The following ZNF385D variants were observed in gnomAD, a reference collection of about 807,000 sequenced individuals.
ZNF385D encodes zinc finger protein 659.
Under a neutral mutation model 35.8 loss-of-function variants are expected in ZNF385D, and 15 were observed. That is an observed-to-expected ratio of 0.42 (90% confidence interval 0.28 to 0.64). The LOEUF (loss-of-function observed/expected upper bound fraction) is 0.64. ZNF385D is among the 30% of genes least tolerant of loss of function. ZNF385D has a pLI of 0.23. For synonymous variants in ZNF385D, 212 were observed against 186.8 expected, an observed-to-expected ratio of 1.13 and a Z score of -1.10; for missense variants, 474 against 494.6, an observed-to-expected ratio of 0.96 and a Z score of 0.39.
intron 5 of ZNF385D, among the ~76,000 whole-genome samples, chr3:21,428,933 C>CTTTTTTTTT (rs56827844): frequency 4.5e-5 from 5 of 112,046 alleles, no homozygotes; most frequent in Non-Finnish European, 9.1e-5. Context: ...CCAAGAAATC[C>CTTTTTTTTT]TTTTTTTTTT....
intron 4 of ZNF385D, among the ~76,000 whole-genome samples, chr3:21,437,699 T>TAAAAAAAAAAAA (rs1559447253): frequency 1.7e-3 from 2 of 1,188 alleles, no homozygotes; most frequent in African/African-American, 2.6e-3. Flanking sequence ...CAAATGCTTA[T>TAAAAAAAAAAAA]ACAAAAAAAA....
chr3:22,085,953 C>G, intron 3 of ZNF385D, among the ~76,000 whole-genome samples: 1 of 151,986 alleles, frequency 6.6e-6, no homozygotes, highest in East Asian at 1.9e-4. Context: ...ATGATAGAAA[C>G]CACGATTATC....
At chr3:21,459,737 A>G (rs550577237) in intron 4 of ZNF385D, among the ~76,000 whole-genome samples, 1 of 152,276 alleles carries the variant, frequency 6.6e-6, no homozygotes. Context: ...ATCATAAACT[A>G]TTATGTTGCT....
In ZNF385D at chr3:21,465,041, T is replaced by C. The variant is rs569779663; in HGVS notation, c.440-27838A>G. Reference sequence around the variant, plus strand: ...ATAAATTTCTTTCTCATTAAATACTTTGTCATTTTTACAGAAAGATTTCAT... The same window carrying C: ...ATAAATTTCTTTCTCATTAAATACTCTGTCATTTTTACAGAAAGATTTCAT... On this transcript the variant is annotated intron_variant, in intron 4 of 7. Coordinates refer to ENST00000281523, the MANE Select transcript of ZNF385D (RefSeq NM_024697.3). This position sits in a 1 kb window ranked among gnomAD's most constrained non-coding sequence, Gnocchi z 4.2. Among the ~76,000 whole-genome samples the C allele has an allele frequency of 6.6e-6, 1 of 152,178 alleles. No homozygotes were observed. The highest frequency in any genetic ancestry group is 2.1e-4 in the South Asian group (1 of 4,828).
intron 2 of ZNF385D, among the ~76,000 whole-genome samples, chr3:22,184,917 T>G (rs1409246347): frequency 6.6e-6 from 1 of 152,202 alleles, no homozygotes; most frequent in Non-Finnish European, 1.5e-5. Flanking sequence ...TTTGTAGTGA[T>G]GTCACTTGGC....
intron 2 of ZNF385D, among the ~76,000 whole-genome samples, chr3:22,210,277 G>A (rs1437646951): frequency 2.0e-5 from 3 of 151,790 alleles, no homozygotes; most frequent in African/African-American, 4.8e-5. Flanking sequence ...CATAACTAAT[G>A]TCTCAACAGG....
intron 3 of ZNF385D, among the ~76,000 whole-genome samples, chr3:21,767,718 G>A (rs917866340): frequency 6.6e-6 from 1 of 151,954 alleles, no homozygotes; most frequent in East Asian, 1.9e-4. Flanking sequence ...AGGATTGAGA[G>A]AGAAAGAAGA....
chr3:22,322,832 A>G (rs1255995092), intron 2 of ZNF385D, among the ~76,000 whole-genome samples: 1 of 152,188 alleles, frequency 6.6e-6, no homozygotes, highest in East Asian at 1.9e-4. Context: ...ATCATGTTTT[A>G]AAGTTCTGGA....
At chr3:22,134,660 C>T (rs78050007) in intron 3 of ZNF385D, among the ~76,000 whole-genome samples, 1,919 of 152,178 alleles carry the variant, frequency 0.013, 40 homozygotes, top group African/African-American at 0.043. Context: ...CAACAGAATC[C>T]CTAAGACTGT....
At chr3:22,360,357 A>T (rs1029068982) in intron 2 of ZNF385D, among the ~76,000 whole-genome samples, 1 of 151,902 alleles carries the variant, frequency 6.6e-6, no homozygotes, top group Non-Finnish European at 1.5e-5. Context: ...TTCAGTTTGT[A>T]TGCACACATT....
intron 3 of ZNF385D, among the ~76,000 whole-genome samples, chr3:21,859,068 C>T (rs1480797035): frequency 6.6e-6 from 1 of 152,040 alleles, no homozygotes; most frequent in Non-Finnish European, 1.5e-5. Flanking sequence ...AGGTAAAACT[C>T]AGCTTTCATA....
intron 2 of ZNF385D, among the ~76,000 whole-genome samples, chr3:21,577,250 A>G (rs577839893): frequency 2.6e-5 from 4 of 152,184 alleles, no homozygotes; most frequent in Admixed American, 6.5e-5. Context: ...ATGAGTGATG[A>G]CATGTGGTAT....
At chr3:22,195,249 C>T (rs1201496842) in intron 2 of ZNF385D, among the ~76,000 whole-genome samples, 8 of 151,780 alleles carry the variant, frequency 5.3e-5, no homozygotes, top group Non-Finnish European at 8.8e-5. Flanking sequence ...TTTTTCTTAA[C>T]TCCTAGTTCA....
chr3:21,528,513 T>C (rs1489016903), intron 3 of ZNF385D, among the ~76,000 whole-genome samples: 1 of 152,102 alleles, frequency 6.6e-6, no homozygotes, highest in Non-Finnish European at 1.5e-5. Context: ...TGCAGACAAA[T>C]GCAGCAATCT....
chr3:22,284,412 G>C (rs1036097108), intron 2 of ZNF385D, among the ~76,000 whole-genome samples: 3 of 151,694 alleles, frequency 2.0e-5, no homozygotes, highest in Non-Finnish European at 2.9e-5. Context: ...GGATGGTCTC[G>C]ATCTCCTGAC....
chr3:21,714,976 C>T (rs1234908462), intron 1 of ZNF385D, among the ~76,000 whole-genome samples: 1 of 152,152 alleles, frequency 6.6e-6, no homozygotes, highest in Non-Finnish European at 1.5e-5. Flanking sequence ...CAGCTATAAT[C>T]TACTCATTTA....
chr3:21,742,951 G>A (rs1225151047), intron 1 of ZNF385D, among the ~76,000 whole-genome samples: 1 of 152,174 alleles, frequency 6.6e-6, no homozygotes, highest in Non-Finnish European at 1.5e-5. Flanking sequence ...AAAGAATTAA[G>A]CTTAACTGTT....
At chr3:22,058,485 G>A (rs1157106050) in intron 3 of ZNF385D, among the ~76,000 whole-genome samples, 1 of 152,070 alleles carries the variant, frequency 6.6e-6, no homozygotes, top group Non-Finnish European at 1.5e-5. Flanking sequence ...CTGGATAATG[G>A]CTATCACACA....
At chr3:21,883,271 A>T (rs1698371912) in intron 3 of ZNF385D, among the ~76,000 whole-genome samples, 4 of 151,904 alleles carry the variant, frequency 2.6e-5, no homozygotes. Context: ...ATTGACTTAT[A>T]AACTTAAAGA....
Sources: allele counts gnomAD v4.1 joint callset (sites outside exome capture counted in the v4.1 genomes callset), GRCh38; gene constraint gnomAD v4.1.1; non-coding constraint Gnocchi (gnomAD v3.1); transcripts MANE v1.5; gene names NCBI Gene and HGNC (gene_info 2026-07-23, HGNC 2026-07-21).